Variants in MARCHF7 observed in about 807,000 individuals in gnomAD.
MARCHF7 encodes membrane associated ring-CH-type finger 7.
In MARCHF7, 20 loss-of-function variants were observed where a neutral mutation model predicts 76.5. That is an observed-to-expected ratio of 0.26 (90% confidence interval 0.18 to 0.38). The LOEUF (loss-of-function observed/expected upper bound fraction) is 0.38, where lower values mean the gene tolerates loss of function less well. Among genes scored for constraint, MARCHF7 ranks in the 10% least tolerant of loss-of-function variants. The probability of loss-of-function intolerance (pLI) is 1.00; values close to 1 mark genes in which losing one functional copy is unlikely to be tolerated. For missense variants in MARCHF7, 797 were observed against 812.9 expected (o/e 0.98, Z 0.24); for synonymous variants, 295 against 293.0 (o/e 1.01, Z -0.07).
intron 9 of MARCHF7, among the ~76,000 whole-genome samples, chr2:159,760,425 A>G (rs1706889159): frequency 6.6e-6 from 1 of 152,194 alleles, no homozygotes; most frequent in Admixed American, 6.5e-5. Context: ...CACAGGTGCT[A>G]CTCTAATGCC....
At position 159,749,745 on chromosome 2, in the gene MARCHF7, G is replaced by GA. The variant is rs750854064; in HGVS notation, c.1613+842_1613+843insA. Among the ~76,000 whole-genome samples the GA allele has an allele frequency of 2.0e-5, 3 of 151,504 alleles. 1 individual carries two copies. The highest frequency in any genetic ancestry group is 6.8e-3 in the Middle Eastern group (2 of 294). ...GTAGGCAATGGTTGGGGCGGGGGGG[G>GA]CGGTTGTGAATTGTGTCAGAAAGTA... On this transcript the variant is annotated intron_variant, in intron 7 of 11. Coordinates refer to ENST00000409175, the MANE Select transcript of MARCHF7 (RefSeq NM_001282805.2).
intron 4 of MARCHF7, chr2:159,733,071 ATTT>A: frequency 3.6e-6 from 1 of 274,124 alleles, no homozygotes; most frequent in Non-Finnish European, 4.5e-6. Flanking sequence ...AGTTATAATT[ATTT>A]ATAATTGTTA....
Position 159,743,016 on chromosome 2 carries a change from T to C in MARCHF7, c.154-45T>C. 3.9e-6 allele frequency: 6 copies of C among 1,528,540 alleles called. No individual in the cohort carries two copies. The South Asian group carries it at 4.8e-5, about 12-fold the overall frequency. 94.7% of individuals were successfully genotyped at this position (1,528,540 alleles called of 1,614,324 possible). A position where few individuals can be genotyped will look rare whatever the true frequency, so the allele number is the denominator to read the frequency against. On this transcript the variant is annotated intron_variant, in intron 4 of 11. Coordinates refer to ENST00000409175, the MANE Select transcript of MARCHF7 (RefSeq NM_001282805.2). ...GAGGACTGTGGGTTAAATTTAGTAC[T>C]GAATGCAGCCTTTTGTTGTTTAAAA...
In MARCHF7 at chr2:159,747,980, A is replaced by G. The variant is rs370652659; in HGVS notation, c.690A>G (p.Glu230=). The change falls in exon 7 of 12, where the codon GAA becomes GAG. Residue 230 remains glutamate (E), a synonymous_variant. Transcript: ENST00000409175. The stretch of plus-strand genomic sequence containing the variant: ...TAAGATCAAATTTTTCTTCAAGAGA[A>G]TCAGAATCTTCCCGAAGCAATACGC... ...NSLRSNFSSR[E]SESSRSNTQP... 5 of 1,614,034 alleles carry G rather than the reference A, an allele frequency of 3.1e-6. No individual in the cohort carries two copies. In the African/African-American group the frequency reaches 6.7e-5, roughly 22 times the overall value.
intron 4 of MARCHF7, among the ~76,000 whole-genome samples, chr2:159,730,091 CAG>C (rs1172739152): frequency 3.9e-5 from 6 of 152,106 alleles, no homozygotes; most frequent in Admixed American, 6.5e-5. Context: ...TTGTTTGAAA[CAG>C]GGTTTTGCTA....
Position 159,748,042 on chromosome 2 carries a change from C to T in MARCHF7, c.752C>T (p.Ala251Val), listed in dbSNP as rs779427582. 6.2e-7 allele frequency: 1 copy of T among 1,614,112 alleles called. No individual in the cohort carries two copies. Among genetic ancestry groups the T allele is most frequent in the Non-Finnish European group, 8.5e-7 (1 of 1,180,004 alleles). ...TCTTACAGTTCAAGTAGAGATGAAG[C>T]CCCAATCATAAGCAATTCAGAAAGG... ...GFSYSSSRDE[A>V]PIISNSERVV... The change falls in exon 7 of 12, where the codon GCC becomes GTC. Residue 251 changes from alanine to valine, a missense_variant. Coordinates refer to ENST00000409175, the MANE Select transcript of MARCHF7 (RefSeq NM_001282805.2).
chr2:159,725,640 C>G (rs1028637874), intron 3 of MARCHF7, among the ~76,000 whole-genome samples: 30 of 152,042 alleles, frequency 2.0e-4, no homozygotes, highest in Non-Finnish European at 2.8e-4. Flanking sequence ...TTATTTGATC[C>G]CTGTGAGGAT....
intron 3 of MARCHF7, among the ~76,000 whole-genome samples, chr2:159,725,723 C>G (rs1702089495): frequency 6.6e-6 from 1 of 152,082 alleles, no homozygotes; most frequent in Non-Finnish European, 1.5e-5. Context: ...TTGTTGTTTA[C>G]TTTGGTCCTT....
intron 4 of MARCHF7, among the ~76,000 whole-genome samples, chr2:159,731,843 G>A (rs1291560152): frequency 2.0e-5 from 3 of 151,994 alleles, no homozygotes; most frequent in Admixed American, 6.6e-5. Context: ...AGTGGCTCAC[G>A]CCTGTAATCC....
intron 10 of MARCHF7, among the ~76,000 whole-genome samples, chr2:159,763,337 TG>T (rs1398565871): frequency 6.6e-6 from 1 of 152,194 alleles, no homozygotes; most frequent in African/African-American, 2.4e-5. Flanking sequence ...AACCTGAAAT[TG>T]AACTCCAAAA....
At chr2:159,745,148 G>A (rs896664795) in intron 5 of MARCHF7, among the ~76,000 whole-genome samples, 9 of 152,068 alleles carry the variant, frequency 5.9e-5, no homozygotes, top group African/African-American at 2.2e-4. Flanking sequence ...TTACATTTTT[G>A]TTCTGTAATC....
At chr2:159,734,054 A>G (rs902317369) in intron 4 of MARCHF7, 1 of 1,359,314 alleles carries the variant, frequency 7.4e-7, no homozygotes. Flanking sequence ...ATGATTGGCA[A>G]CTATGATCAT....
At chr2:159,724,021 C>T (rs546399414) in intron 3 of MARCHF7, among the ~76,000 whole-genome samples, 1 of 152,228 alleles carries the variant, frequency 6.6e-6, no homozygotes, top group South Asian at 2.1e-4. Flanking sequence ...TTGTTATTTC[C>T]TGCCTCACAC....
At chr2:159,740,088 G>T (rs139749882) in intron 4 of MARCHF7, among the ~76,000 whole-genome samples, 144 of 152,228 alleles carry the variant, frequency 9.5e-4, no homozygotes, top group Middle Eastern at 3.4e-3. Context: ...TAAATCTGAT[G>T]AATTTTTATC....
intron 4 of MARCHF7, among the ~76,000 whole-genome samples, 184 bp from the exon 5 acceptor site, chr2:159,742,877 C>T (rs1033792911): frequency 1.3e-5 from 2 of 151,846 alleles, no homozygotes; most frequent in Non-Finnish European, 1.5e-5. Flanking sequence ...GCAAAGGTTA[C>T]AGTGAGCCAA....
At chr2:159,736,940 G>T (rs1703529887) in intron 4 of MARCHF7, among the ~76,000 whole-genome samples, 1 of 152,070 alleles carries the variant, frequency 6.6e-6, no homozygotes, top group Non-Finnish European at 1.5e-5. Flanking sequence ...TCATTTTATT[G>T]AGTTATAATT....
intron 9 of MARCHF7, among the ~76,000 whole-genome samples, chr2:159,761,106 A>T (rs1214381727): frequency 1.3e-5 from 2 of 150,052 alleles, no homozygotes; most frequent in Non-Finnish European, 3.0e-5. Flanking sequence ...GCTCACGACA[A>T]CCTCTGCCTC....
At chr2:159,728,881 A>G (rs547636144) in intron 3 of MARCHF7, 128 bp from the exon 4 acceptor site, 11 of 502,544 alleles carry the variant, frequency 2.2e-5, no homozygotes, top group African/African-American at 6.0e-5. Flanking sequence ...TCATTTCACA[A>G]TTTACGTTGT....
At chr2:159,741,852 C>T (rs1488419555) in intron 4 of MARCHF7, among the ~76,000 whole-genome samples, 1 of 152,236 alleles carries the variant, frequency 6.6e-6, no homozygotes, top group East Asian at 1.9e-4. Context: ...TCCTTACTGT[C>T]TCTGAGCCAT....
Sources: gnomAD v4.1 joint callset for allele counts (sites outside exome capture counted in the v4.1 genomes callset) on GRCh38, gnomAD v4.1.1 for gene constraint, MANE v1.5 for transcripts, NCBI Gene and HGNC (gene_info 2026-07-23, HGNC 2026-07-21) for gene names.